The following COL4A6 variants were observed in gnomAD, a reference collection of about 807,000 sequenced individuals.
COL4A6 encodes collagen alpha-6(IV) chain.
Under a neutral mutation model 126.7 loss-of-function variants are expected in COL4A6, and 59 were observed. The ratio of observed to expected loss-of-function variants is 0.47; its 90% CI spans 0.38 to 0.58. COL4A6 has a LOEUF of 0.58. Ranked by LOEUF, COL4A6 falls within the 20% of genes least tolerant of loss-of-function variation. COL4A6 has a pLI of 0.00. For synonymous variants in COL4A6, 547 were observed against 496.6 expected, an observed-to-expected ratio of 1.10 and a Z score of -1.35; for missense variants, 1,285 against 1,337.3, an observed-to-expected ratio of 0.96 and a Z score of 0.61.
chrX:108,246,038 G>A (rs1480905556), intron 3 of COL4A6, among the ~76,000 whole-genome samples: 1 of 111,392 alleles, frequency 9.0e-6, no homozygotes. Context: ...TGAACTACTG[G>A]GGGAAAATGA....
intron 13 of COL4A6, among the ~76,000 whole-genome samples, chrX:108,201,269 A>C (rs2035384058): frequency 8.9e-6 from 1 of 111,747 alleles, no homozygotes; most frequent in Non-Finnish European, 1.9e-5. Flanking sequence ...GTCATCTTTG[A>C]TTCATCCATT....
At chrX:108,428,684 T>A (rs2064128192) in intron 2 of COL4A6, among the ~76,000 whole-genome samples, 1 of 110,010 alleles carries the variant, frequency 9.1e-6, no homozygotes, top group Non-Finnish European at 1.9e-5. Flanking sequence ...AAAATAAAAC[T>A]TTAAAAAAAA....
chrX:108,177,488 T>A (rs957518996), intron 27 of COL4A6, among the ~76,000 whole-genome samples: 1 of 111,482 alleles, frequency 9.0e-6, no homozygotes, highest in African/African-American at 3.3e-5. Context: ...GCTGCCCTTT[T>A]AATCCCTCAA....
chrX:108,218,341 C>G (rs1185356506), intron 5 of COL4A6, among the ~76,000 whole-genome samples: 1 of 112,545 alleles, frequency 8.9e-6, no homozygotes, highest in Non-Finnish European at 1.9e-5. Context: ...GGCATAGGAA[C>G]ACAGCCATAA....
At chrX:108,384,795 A>G (rs754901834) in intron 2 of COL4A6, among the ~76,000 whole-genome samples, 2 of 112,238 alleles carry the variant, frequency 1.8e-5, no homozygotes, top group South Asian at 7.4e-4. Flanking sequence ...AGAGTCAAAT[A>G]ACTTGTCTAA....
At position 108,273,790 on chromosome X, in the gene COL4A6, C is replaced by T. The variant is rs189233626; in HGVS notation, c.144+36958G>A. ...TATAATCTCCTGCCATGTTTTCTCA[C>T]GTGTCCCACATTTTACTGCTGTTTC... On this transcript the variant is annotated intron_variant, in intron 3 of 44. Coordinates refer to ENST00000334504, the MANE Select transcript of COL4A6 (RefSeq NM_033641.4). Among the ~76,000 whole-genome samples, 45 of 112,330 alleles carry T rather than the reference C, an allele frequency of 4.0e-4. No individual in the cohort carries two copies. In the East Asian group the frequency reaches 5.3e-3, roughly 13 times the overall value.
intron 2 of COL4A6, among the ~76,000 whole-genome samples, chrX:108,322,438 C>CATCT (rs1443676374): frequency 8.9e-6 from 1 of 111,902 alleles, no homozygotes; most frequent in East Asian, 2.8e-4. Flanking sequence ...TTCCCTCCAA[C>CATCT]ATCTGCTCAA....
chrX:108,213,045 C>A (rs1261030676), intron 6 of COL4A6, among the ~76,000 whole-genome samples: 9 of 111,373 alleles, frequency 8.1e-5, no homozygotes, highest in Non-Finnish European at 1.1e-4. Context: ...TACCTCCCCA[C>A]CCCCCGGCAT....
At chrX:108,350,870 A>G (rs1011643038) in intron 2 of COL4A6, among the ~76,000 whole-genome samples, 2 of 111,271 alleles carry the variant, frequency 1.8e-5, no homozygotes, top group Non-Finnish European at 3.8e-5. Flanking sequence ...ACAATGCGGG[A>G]AGGTGATTAT....
At chrX:108,433,163 G>T (rs2064203864) in intron 2 of COL4A6, among the ~76,000 whole-genome samples, 1 of 112,222 alleles carries the variant, frequency 8.9e-6, no homozygotes, top group Non-Finnish European at 1.9e-5. Context: ...TAAATTCATT[G>T]TTATAACGGA....
chrX:108,191,411 C>G lies in COL4A6; in HGVS notation c.1303G>C (p.Gly435Arg). ...AACTTACTAGGTGGGCCTGGTGGACCTGGTGGGCCTGGCAAACCATCTCTG... is the reference window on the plus strand; with the variant it reads ...AACTTACTAGGTGGGCCTGGTGGACGTGGTGGGCCTGGCAAACCATCTCTG... ...PGRDGLPGPPGPPGPPSPEFE... is the reference protein window; with the variant it reads ...PGRDGLPGPPRPPGPPSPEFE... The change falls in exon 19 of 45, where the codon GGT (glycine) becomes CGT (arginine). Residue 435 changes from glycine to arginine, a missense_variant. By Grantham distance (125) the Gly-to-Arg change is moderately radical. Coordinates refer to ENST00000334504, the MANE Select transcript of COL4A6 (RefSeq NM_033641.4). 8.3e-7 allele frequency: 1 copy of G among 1,210,297 alleles called. No homozygotes were observed. The highest frequency in any genetic ancestry group is 1.1e-6 in the Non-Finnish European group (1 of 894,923).
intron 42 of COL4A6, 37 bp downstream of exon 42, chrX:108,161,582 C>A (rs1265534569): frequency 1.3e-5 from 8 of 626,598 alleles, no homozygotes; most frequent in African/African-American, 2.4e-5. Context: ...GACCACCATC[C>A]CCGCCCCGCC....
At chrX:108,241,100 T>C (rs2036560076) in intron 3 of COL4A6, among the ~76,000 whole-genome samples, 1 of 110,802 alleles carries the variant, frequency 9.0e-6, no homozygotes, top group South Asian at 3.8e-4. Flanking sequence ...CCTATAAATA[T>C]CATATAATTT....
intron 2 of COL4A6, among the ~76,000 whole-genome samples, chrX:108,425,211 GAGAGAC>G (rs1301327216): frequency 2.0e-4 from 21 of 106,739 alleles, no homozygotes; most frequent in South Asian, 8.6e-4. Flanking sequence ...GTGAGAGAGA[GAGAGAC>G]AGAGAGACAG....
chrX:108,202,820 C>T, intron 13 of COL4A6, 108 bp downstream of exon 13: 1 of 607,314 alleles, frequency 1.6e-6, no homozygotes, highest in Non-Finnish European at 2.7e-6. Flanking sequence ...AAGATGGTGG[C>T]ATTCTCTACA....
chrX:108,225,931 C>T (rs769911894), intron 3 of COL4A6, among the ~76,000 whole-genome samples: 96 of 112,381 alleles, frequency 8.5e-4, no homozygotes, highest in Non-Finnish European at 1.6e-3. Flanking sequence ...TTGCTTTTCC[C>T]AGAGGGATTT....
chrX:108,421,532 G>C (rs2063981768), intron 2 of COL4A6, among the ~76,000 whole-genome samples: 1 of 112,176 alleles, frequency 8.9e-6, no homozygotes, highest in Middle Eastern at 4.2e-3. Flanking sequence ...TCAATGAACT[G>C]GTTAGATAGA....
chrX:108,267,253 T>C (rs1322422637), intron 3 of COL4A6, among the ~76,000 whole-genome samples: 3 of 112,329 alleles, frequency 2.7e-5, no homozygotes, highest in African/African-American at 9.7e-5. Context: ...AGCACCCTTG[T>C]GATTACATTG....
intron 3 of COL4A6, among the ~76,000 whole-genome samples, chrX:108,283,713 A>T (rs1028857263): frequency 1.8e-5 from 2 of 111,309 alleles, no homozygotes; most frequent in Non-Finnish European, 3.8e-5. Context: ...GAACAGCAGG[A>T]CACAGTGCTT....
Sources: gnomAD v4.1 joint callset for allele counts (sites outside exome capture counted in the v4.1 genomes callset) on GRCh38, gnomAD v4.1.1 for gene constraint, MANE v1.5 for transcripts, NCBI Gene and HGNC (gene_info 2026-07-23, HGNC 2026-07-21) for gene names.